The following CSGALNACT1 variants were observed in gnomAD, a reference collection of about 807,000 sequenced individuals.
CSGALNACT1 encodes the protein chondroitin sulfate N-acetylgalactosaminyltransferase 1, also known as beta4GalNAcT-1.
CSGALNACT1 carries 52 observed loss-of-function variants against 51.0 expected under a neutral mutation model. That is an observed-to-expected ratio of 1.02 (90% CI 0.82 to 1.29). CSGALNACT1 has a LOEUF of 1.29. CSGALNACT1 is among the 50% of genes most tolerant of loss of function. The pLI is 0.00. For synonymous variants in CSGALNACT1, 341 were observed against 254.4 expected (o/e 1.34, Z -3.24); for missense variants, 935 against 679.2 (o/e 1.38, Z -4.19).
intron 4 of CSGALNACT1, among the ~76,000 whole-genome samples, chr8:19,500,413 A>G (rs1321721370): frequency 2.6e-5 from 4 of 151,638 alleles, no homozygotes; most frequent in Non-Finnish European, 4.4e-5. Context: ...AAATGCCCAG[A>G]ATGCACCTGA....
intron 3 of CSGALNACT1, among the ~76,000 whole-genome samples, chr8:19,521,490 C>A (rs2080693676): frequency 6.6e-6 from 1 of 152,146 alleles, no homozygotes; most frequent in Non-Finnish European, 1.5e-5. Flanking sequence ...TGAGAACAGC[C>A]TGGCCAACAT....
At chr8:19,451,055 C>T (rs2063104321) in intron 5 of CSGALNACT1, among the ~76,000 whole-genome samples, 1 of 152,154 alleles carries the variant, frequency 6.6e-6, no homozygotes, top group African/African-American at 2.4e-5. Flanking sequence ...TAACAATACT[C>T]AAGCTTTAGT....
intron 8 of CSGALNACT1, among the ~76,000 whole-genome samples, chr8:19,416,778 T>C (rs2056967221): frequency 6.6e-6 from 1 of 152,234 alleles, no homozygotes; most frequent in African/African-American, 2.4e-5. Flanking sequence ...AAGTGCGCTG[T>C]ATGATGTTTG....
intron 4 of CSGALNACT1, among the ~76,000 whole-genome samples, chr8:19,496,851 T>C (rs1336192131): frequency 6.6e-6 from 1 of 152,132 alleles, no homozygotes; most frequent in African/African-American, 2.4e-5. Context: ...TCGCAAGCTC[T>C]TTCTCCAGGA....
upstream of CSGALNACT1, chr8:19,682,946 A>T (rs1030626225): frequency 9.6e-6 from 3 of 311,664 alleles, no homozygotes; most frequent in African/African-American, 6.5e-5. Context: ...ATCCATCGCT[A>T]GTTCACTTCG....
chr8:19,422,668 C>T (rs1352780833), intron 6 of CSGALNACT1, among the ~76,000 whole-genome samples: 1 of 152,216 alleles, frequency 6.6e-6, no homozygotes, highest in Non-Finnish European at 1.5e-5. Flanking sequence ...TGGCACCAGT[C>T]AAGGACACGC....
chr8:19,446,260 C>T (rs4922028), intron 5 of CSGALNACT1, among the ~76,000 whole-genome samples: 58,082 of 152,030 alleles, frequency 0.38, 12,345 homozygotes, highest in East Asian at 0.84. Context: ...GGGCTTTGCA[C>T]GGTTATTCAT....
chr8:19,406,622 G>GT (rs1491228689), intron 9 of CSGALNACT1, among the ~76,000 whole-genome samples: 9 of 46,104 alleles, frequency 2.0e-4, no homozygotes, highest in South Asian at 8.8e-4. Context: ...TAGAGGTTTC[G>GT]TAAAAAAAAA....
chr8:19,482,428 C>T (rs190821607), intron 4 of CSGALNACT1, among the ~76,000 whole-genome samples: 77 of 152,248 alleles, frequency 5.1e-4, no homozygotes, highest in African/African-American at 1.7e-3. Flanking sequence ...CCCTACCACT[C>T]CACTGATGAT....
chr8:19,415,800 C>G (rs1238123494), intron 8 of CSGALNACT1, among the ~76,000 whole-genome samples: 1 of 152,174 alleles, frequency 6.6e-6, no homozygotes, highest in Non-Finnish European at 1.5e-5. Flanking sequence ...AATCCTATAT[C>G]CTGTTTCCCT....
chr8:19,567,075 G>A (rs1347936391), intron 3 of CSGALNACT1, among the ~76,000 whole-genome samples: 1 of 152,170 alleles, frequency 6.6e-6, no homozygotes, highest in Admixed American at 6.5e-5. Context: ...ACTGGTCAAT[G>A]CAAACACTCA....
At chr8:19,420,317 C>A in intron 7 of CSGALNACT1, 23 bp downstream of exon 6, 1 of 1,613,086 alleles carries the variant, frequency 6.2e-7, no homozygotes, top group Non-Finnish European at 8.5e-7. Flanking sequence ...GCCACCTGAG[C>A]GTGACAGAGA....
At chr8:19,685,743 T>C (rs1312069918), upstream of CSGALNACT1, among the ~76,000 whole-genome samples, 1 of 152,204 alleles carries the variant, frequency 6.6e-6, no homozygotes, top group African/African-American at 2.4e-5. Context: ...TCATTCATAT[T>C]CTGAATCTGA....
chr8:19,428,153 C>G (rs1195857835), intron 6 of CSGALNACT1, among the ~76,000 whole-genome samples: 1 of 152,154 alleles, frequency 6.6e-6, no homozygotes, highest in Non-Finnish European at 1.5e-5. Flanking sequence ...CCTGTCTTGC[C>G]CTGCACCCTG....
chr8:19,676,161 T>A (rs12543757), intron 1 of CSGALNACT1, among the ~76,000 whole-genome samples: 43,179 of 149,868 alleles, frequency 0.29, 6,686 homozygotes, highest in African/African-American at 0.39. Flanking sequence ...ATTCACAATG[T>A]TCAGGACAAT....
chr8:19,753,197 T>C (rs993685362), intron 1 of CSGALNACT1, among the ~76,000 whole-genome samples: 2 of 152,072 alleles, frequency 1.3e-5, no homozygotes, highest in Non-Finnish European at 2.9e-5. Context: ...GCAAATGGGA[T>C]CTCTATAACC....
chr8:19,690,128 T>C (rs2061218857), intron 1 of CSGALNACT1, among the ~76,000 whole-genome samples: 3 of 152,198 alleles, frequency 2.0e-5, no homozygotes. Flanking sequence ...GGATAAAACT[T>C]TTTTGGAAAA....
At chr8:19,614,708 T>G (rs1176998681) in intron 1 of CSGALNACT1, among the ~76,000 whole-genome samples, 1 of 152,190 alleles carries the variant, frequency 6.6e-6, no homozygotes, top group East Asian at 1.9e-4. Context: ...TCAGAGAAGG[T>G]TGAAACTAGA....
intron 2 of CSGALNACT1, among the ~76,000 whole-genome samples, chr8:19,599,472 A>AAAAGAAAGAAAAATAAAG (rs1319884772): frequency 8.8e-6 from 1 of 113,736 alleles, no homozygotes; most frequent in Admixed American, 1.0e-4. Context: ...GAAAGAAAGA[A>AAAAGAAAGAAAAATAAAG]AAAGAAAGAA....
Sources: allele counts gnomAD v4.1 joint callset (sites outside exome capture counted in the v4.1 genomes callset), GRCh38; gene constraint gnomAD v4.1.1; transcripts MANE v1.5; gene names NCBI Gene and HGNC (gene_info 2026-07-23, HGNC 2026-07-21).